SSBP2: variants seen among roughly 807,000 people sequenced by gnomAD.
The protein encoded by SSBP2 is single stranded DNA binding protein 2, also known as single-stranded DNA-binding protein 2.
In SSBP2, 17 loss-of-function variants were observed where a neutral mutation model predicts 61.8. That is an observed-to-expected ratio of 0.28 (90% CI 0.19 to 0.41). The LOEUF is 0.41. Ranked by LOEUF, SSBP2 falls within the 10% of genes least tolerant of loss-of-function variation. The probability of loss-of-function intolerance (pLI) is 1.00; values close to 1 mark genes in which losing one functional copy is unlikely to be tolerated. For synonymous variants in SSBP2, 139 were observed against 141.3 expected (o/e 0.98, Z 0.12); for missense variants, 310 against 458.7 (o/e 0.68, Z 2.96).
intron 16 of SSBP2, 35 bp from the exon 17 acceptor site, chr5:81,420,568 A>G (rs1168148963): frequency 6.3e-7 from 1 of 1,579,756 alleles, no homozygotes; most frequent in African/African-American, 1.3e-5. Flanking sequence ...TTTAACAACA[A>G]TTCTTTTAGA....
intron 2 of SSBP2, among the ~76,000 whole-genome samples, chr5:81,642,437 G>A (rs987184140): frequency 3.9e-5 from 6 of 152,122 alleles, no homozygotes; most frequent in Non-Finnish European, 7.3e-5. Flanking sequence ...GCCATATTCT[G>A]CACTTCATGG....
At chr5:81,429,289 T>C (rs567787972) in intron 15 of SSBP2, among the ~76,000 whole-genome samples, 5 of 152,334 alleles carry the variant, frequency 3.3e-5, no homozygotes, top group African/African-American at 1.2e-4. Flanking sequence ...GAAAACTGCT[T>C]TAGAATATTT....
chr5:81,728,312 T>C (rs1001600007), intron 1 of SSBP2, among the ~76,000 whole-genome samples: 3 of 152,216 alleles, frequency 2.0e-5, no homozygotes, highest in South Asian at 4.1e-4. Context: ...TACAGTGCAA[T>C]GATTTTCAAA....
chr5:81,713,870 G>T (rs1226940776), intron 1 of SSBP2, among the ~76,000 whole-genome samples: 1 of 152,050 alleles, frequency 6.6e-6, no homozygotes, highest in Non-Finnish European at 1.5e-5. Flanking sequence ...AGAGATAAAA[G>T]AATACAAGCA....
chr5:81,527,869 G>A (rs542763282), intron 4 of SSBP2, among the ~76,000 whole-genome samples: 13 of 146,984 alleles, frequency 8.8e-5, no homozygotes, highest in Admixed American at 4.1e-4. Context: ...AAACCTACGC[G>A]TTCTACGTAT....
At chr5:81,595,925 A>C (rs1743696393) in intron 4 of SSBP2, among the ~76,000 whole-genome samples, 1 of 152,220 alleles carries the variant, frequency 6.6e-6, no homozygotes, top group Non-Finnish European at 1.5e-5. Context: ...AACTGGAAGC[A>C]TTCCCTTTGA....
rs573884280 is a variant in SSBP2, at chr5:81,595,699, A to G, written c.282+19774T>C. The stretch of plus-strand genomic sequence containing the variant: ...AGGCTGGTTCAACATATGCAAATCA[A>G]TAAATGTAATCCAGCATATAAACAG... On this transcript the variant is annotated intron_variant, in intron 4 of 16. Transcript: ENST00000320672. 3.9e-5 allele frequency among the ~76,000 whole-genome samples: 6 copies of G among 152,358 alleles called. No homozygotes were observed. In the East Asian group the frequency reaches 7.7e-4, roughly 20 times the overall value.
At chr5:81,726,019 G>C (rs1284916745) in intron 1 of SSBP2, among the ~76,000 whole-genome samples, 2 of 152,114 alleles carry the variant, frequency 1.3e-5, no homozygotes, top group Non-Finnish European at 2.9e-5. Context: ...TTAAAAATAT[G>C]TGTGCATAAA....
At chr5:81,587,416 A>G (rs111281967) in intron 4 of SSBP2, among the ~76,000 whole-genome samples, 12 of 152,336 alleles carry the variant, frequency 7.9e-5, no homozygotes, top group African/African-American at 2.6e-4. Flanking sequence ...ATAGGGTATC[A>G]GTGTGTACAC....
intron 5 of SSBP2, among the ~76,000 whole-genome samples, chr5:81,502,462 T>C (rs775211701): frequency 9.9e-5 from 15 of 152,200 alleles, no homozygotes; most frequent in Non-Finnish European, 1.9e-4. Context: ...CACTATCTTG[T>C]TGATGTCATC....
At chr5:81,600,427 G>A (rs1744238151) in intron 4 of SSBP2, among the ~76,000 whole-genome samples, 1 of 151,758 alleles carries the variant, frequency 6.6e-6, no homozygotes, top group Admixed American at 6.6e-5. Flanking sequence ...TGGGCGTGGT[G>A]GTGCATGCCT....
chr5:81,705,427 G>C (rs558520191), intron 1 of SSBP2, among the ~76,000 whole-genome samples: 80 of 152,030 alleles, frequency 5.3e-4, no homozygotes, highest in African/African-American at 1.9e-3. Context: ...AATATTAAAG[G>C]ACACATATAT....
chr5:81,481,265 C>A (rs531379106), intron 6 of SSBP2, among the ~76,000 whole-genome samples: 2 of 152,110 alleles, frequency 1.3e-5, no homozygotes, highest in Non-Finnish European at 2.9e-5. Context: ...AATGTACTTC[C>A]CCAGATTCAT....
chr5:81,709,731 T>C (rs1453140090), intron 1 of SSBP2, among the ~76,000 whole-genome samples: 1 of 151,874 alleles, frequency 6.6e-6, no homozygotes, highest in African/African-American at 2.4e-5. Flanking sequence ...AATATATCAA[T>C]TTTGGTATTA....
At chr5:81,423,983 GA>G (rs1200143323) in intron 16 of SSBP2, among the ~76,000 whole-genome samples, 2 of 152,048 alleles carry the variant, frequency 1.3e-5, no homozygotes, top group African/African-American at 4.8e-5. Context: ...CAATCTTACA[GA>G]AAAATGATAC....
chr5:81,503,488 C>T (rs931592028), intron 5 of SSBP2, among the ~76,000 whole-genome samples: 2 of 151,958 alleles, frequency 1.3e-5, no homozygotes, highest in Non-Finnish European at 2.9e-5. Flanking sequence ...AAAATGGATG[C>T]TGGCAAGGTT....
chr5:81,614,642 T>C (rs1452513924), intron 4 of SSBP2, among the ~76,000 whole-genome samples: 3 of 152,184 alleles, frequency 2.0e-5, no homozygotes, highest in Non-Finnish European at 4.4e-5. Context: ...AGGTACTTAC[T>C]ATCAGTTATT....
chr5:81,623,803 C>T (rs1746871626), intron 3 of SSBP2, among the ~76,000 whole-genome samples: 2 of 152,104 alleles, frequency 1.3e-5, no homozygotes, highest in South Asian at 4.1e-4. Context: ...CATTGTTCTA[C>T]TTCTATTTCT....
intron 12 of SSBP2, among the ~76,000 whole-genome samples, chr5:81,446,179 C>T (rs1763388909): frequency 6.6e-6 from 1 of 151,168 alleles, no homozygotes; most frequent in South Asian, 2.1e-4. Flanking sequence ...TTTCATGGCT[C>T]TTGACACATT....
Sources: allele counts gnomAD v4.1 joint callset (sites outside exome capture counted in the v4.1 genomes callset), GRCh38; gene constraint gnomAD v4.1.1; transcripts MANE v1.5; gene names NCBI Gene and HGNC (gene_info 2026-07-23, HGNC 2026-07-21).